The following NFIA variants were observed in gnomAD, a reference collection of about 807,000 sequenced individuals.
NFIA encodes nuclear factor I A.
In NFIA, 8 loss-of-function variants were observed where a neutral mutation model predicts 62.8. The observed-to-expected ratio is 0.13, with a 90% CI of 0.07 to 0.23. NFIA has a LOEUF of 0.23. Among genes scored for constraint, NFIA ranks in the 10% least tolerant of loss-of-function variants. The probability of loss-of-function intolerance (pLI) is 1.00; values close to 1 mark genes in which losing one functional copy is unlikely to be tolerated. For synonymous variants in NFIA, 235 were observed against 238.1 expected (o/e 0.99, Z 0.12); for missense variants, 410 against 642.1 (o/e 0.64, Z 3.91).
In NFIA at chr1:61,188,701, A is replaced by G. The variant is rs199967600; in HGVS notation, c.560-88819A>G. Among the ~76,000 whole-genome samples, 9 of 152,330 alleles carry G rather than the reference A, an allele frequency of 5.9e-5. No individual in the cohort carries two copies. In the East Asian group the frequency reaches 1.5e-3, roughly 26 times the overall value. Reference sequence around the variant, plus strand: ...AGAAATCTGTTCTTGTAATGTAGAAATCAGTCATTTAGTGTATCTGAAAAT... The same window carrying G: ...AGAAATCTGTTCTTGTAATGTAGAAGTCAGTCATTTAGTGTATCTGAAAAT... On this transcript the variant is annotated intron_variant, in intron 2 of 10. Transcript: ENST00000403491.
chr1:61,372,560 G>C (rs1232215006), intron 6 of NFIA, among the ~76,000 whole-genome samples: 1 of 143,530 alleles, frequency 7.0e-6, no homozygotes, highest in Admixed American at 7.0e-5. Flanking sequence ...ACTTGTTTCT[G>C]ATATGTCATT....
In NFIA at chr1:61,083,766, G is replaced by A. The variant is rs559366454; in HGVS notation, c.27+948G>A. ...GCCGGACACGGCTCCCCCCGCCGCCGCCGCCGCCACCACCACCACCGCCAC... is the reference window on the plus strand; with the variant it reads ...GCCGGACACGGCTCCCCCCGCCGCCACCGCCGCCACCACCACCACCGCCAC... On this transcript the variant is annotated intron_variant, in intron 1 of 10. Coordinates refer to ENST00000403491, the MANE Select transcript of NFIA (RefSeq NM_001134673.4). 3.1e-3 allele frequency among the ~76,000 whole-genome samples: 476 copies of A among 151,348 alleles called. 11 individuals are homozygous for A. The East Asian group carries it at 0.036, about 11-fold the overall frequency.
intron 10 of NFIA, among the ~76,000 whole-genome samples, chr1:61,451,829 T>G (rs549392492): frequency 6.6e-6 from 1 of 152,284 alleles, no homozygotes; most frequent in East Asian, 1.9e-4. Context: ...TAGGGTAGAT[T>G]AAGGGGCTAT....
At chr1:61,291,902 T>G (rs1399837748) in intron 3 of NFIA, among the ~76,000 whole-genome samples, 1 of 152,198 alleles carries the variant, frequency 6.6e-6, no homozygotes, top group African/African-American at 2.4e-5. Flanking sequence ...ATGTATTACA[T>G]TATTGAGTAA....
chr1:61,375,929 CTA>C (rs1479818492), intron 6 of NFIA, among the ~76,000 whole-genome samples: 6 of 152,274 alleles, frequency 3.9e-5, no homozygotes, highest in African/African-American at 1.4e-4. Flanking sequence ...ATCCTGTCTT[CTA>C]TGTGCCTCAC....
chr1:61,142,836 G>C (rs1218140863), intron 2 of NFIA, among the ~76,000 whole-genome samples: 1 of 152,168 alleles, frequency 6.6e-6, no homozygotes, highest in Non-Finnish European at 1.5e-5. Context: ...GCCTGCCCCT[G>C]TGCCAAGAAC....
chr1:61,204,643 G>A (rs1479057880), intron 2 of NFIA, among the ~76,000 whole-genome samples: 1 of 152,014 alleles, frequency 6.6e-6, no homozygotes, highest in Non-Finnish European at 1.5e-5. Flanking sequence ...TTTGTATTAT[G>A]TCTGCCTTAG....
intron 3 of NFIA, among the ~76,000 whole-genome samples, chr1:61,302,796 T>C (rs1437063784): frequency 1.3e-5 from 2 of 152,240 alleles, no homozygotes; most frequent in African/African-American, 4.8e-5. Flanking sequence ...ATTCAATATG[T>C]ATTTTGTTTT....
intron 6 of NFIA, among the ~76,000 whole-genome samples, chr1:61,380,185 G>A (rs941431553): frequency 5.9e-5 from 9 of 152,076 alleles, no homozygotes; most frequent in Non-Finnish European, 1.0e-4. Context: ...CCAATCAAAA[G>A]GATGAAATGC....
At chr1:61,358,826 C>T (rs554804009) in intron 5 of NFIA, among the ~76,000 whole-genome samples, 2 of 83,318 alleles carry the variant, frequency 2.4e-5, no homozygotes, top group African/African-American at 8.2e-5. Flanking sequence ...AAATATGTGG[C>T]CTTACTCCCA....
intron 4 of NFIA, among the ~76,000 whole-genome samples, chr1:61,345,578 G>T (rs1023119530): frequency 1.3e-5 from 2 of 152,172 alleles, no homozygotes; most frequent in Non-Finnish European, 2.9e-5. Context: ...ACAGCAGGAG[G>T]GGAGTGGCGG....
rs749092216 is a variant in NFIA at position 61,219,713 on chromosome 1, C to CAAAAA, written c.560-57798_560-57794dup. ...TGGGTGACAGAGCGAGACTCCGTCTCAAAAAAAAAAAAAGAAAAAAGGCGG... is the reference window on the plus strand; with the variant it reads ...TGGGTGACAGAGCGAGACTCCGTCTCAAAAAAAAAAAAAAAAAAGAAAAAAGGCGG... On this transcript the variant is annotated intron_variant, in intron 2 of 10. Transcript: ENST00000403491. Among the ~76,000 whole-genome samples, 64 of 107,798 alleles carry CAAAAA rather than the reference C, an allele frequency of 5.9e-4. 3 individuals are homozygous for CAAAAA. Among genetic ancestry groups the CAAAAA allele is most frequent in the East Asian group, 2.1e-3 (8 of 3,726 alleles). 70.7% of individuals were successfully genotyped at this position (107,798 alleles called of 152,430 possible). A position where few individuals can be genotyped will look rare whatever the true frequency, so the allele number is the denominator to read the frequency against.
At chr1:61,084,186 G>A (rs1029133082) in intron 1 of NFIA, among the ~76,000 whole-genome samples, 6 of 152,044 alleles carry the variant, frequency 3.9e-5, no homozygotes, top group Non-Finnish European at 8.8e-5. Context: ...AGGAGATAAC[G>A]GTTTAACCGG....
intron 3 of NFIA, among the ~76,000 whole-genome samples, chr1:61,294,045 T>A (rs964743509): frequency 1.3e-5 from 2 of 152,254 alleles, no homozygotes; most frequent in African/African-American, 4.8e-5. Context: ...TGAAAAAGTA[T>A]GACCAGTGGT....
intron 2 of NFIA, among the ~76,000 whole-genome samples, chr1:61,098,971 A>G (rs1194295723): frequency 6.6e-6 from 1 of 152,184 alleles, no homozygotes; most frequent in Non-Finnish European, 1.5e-5. Flanking sequence ...GAATGAGGAT[A>G]TTTCAGTCCA....
At chr1:61,253,108 G>A (rs1034751958) in intron 2 of NFIA, among the ~76,000 whole-genome samples, 1 of 152,196 alleles carries the variant, frequency 6.6e-6, no homozygotes, top group Non-Finnish European at 1.5e-5. Context: ...ATAGGCACTG[G>A]CTGGTAAGCT....
intron 10 of NFIA, among the ~76,000 whole-genome samples, chr1:61,447,864 A>C (rs1200413492): frequency 6.6e-6 from 1 of 152,180 alleles, no homozygotes; most frequent in Non-Finnish European, 1.5e-5. Flanking sequence ...CCAGAAGGGC[A>C]GGTACGCTGG....
At chr1:61,258,855 G>C (rs1656585405) in intron 2 of NFIA, among the ~76,000 whole-genome samples, 1 of 151,994 alleles carries the variant, frequency 6.6e-6, no homozygotes, top group African/African-American at 2.4e-5. Flanking sequence ...AGCCTTCTAA[G>C]TAGCTGGGAT....
intron 2 of NFIA, among the ~76,000 whole-genome samples, chr1:61,236,489 T>G (rs1027169015): frequency 5.3e-5 from 8 of 152,214 alleles, no homozygotes; most frequent in African/African-American, 1.9e-4. Context: ...CCCCAAATCA[T>G]GACCCTTACC....
Sources: gnomAD v4.1 joint callset for allele counts (sites outside exome capture counted in the v4.1 genomes callset) on GRCh38, gnomAD v4.1.1 for gene constraint, MANE v1.5 for transcripts, NCBI Gene and HGNC (gene_info 2026-07-23, HGNC 2026-07-21) for gene names.